Variants in MAGEC3 observed in about 807,000 individuals in gnomAD.
MAGEC3 encodes the protein MAGE family member C3, also known as melanoma-associated antigen C3.
A neutral mutation model predicts 35.3 loss-of-function variants in MAGEC3; 34 were observed. The observed-to-expected ratio is 0.96, with a 90% CI of 0.73 to 1.28. The LOEUF is 1.28. Among genes scored for constraint, MAGEC3 ranks in the 50% most tolerant of loss-of-function variants. The probability of loss-of-function intolerance (pLI) is 0.00; values close to 1 mark genes in which losing one functional copy is unlikely to be tolerated. For missense variants in MAGEC3, 561 were observed against 483.6 expected (o/e 1.16, Z -1.50); for synonymous variants, 202 against 185.6 (o/e 1.09, Z -0.72).
intron 1 of MAGEC3, among the ~76,000 whole-genome samples, chrX:141,863,065 G>A (rs994675319): frequency 8.1e-5 from 9 of 111,391 alleles, no homozygotes; most frequent in African/African-American, 2.9e-4. Context: ...CCATAAATAA[G>A]TACATATATT....
intron 4 of MAGEC3, among the ~76,000 whole-genome samples, chrX:141,887,189 TCAGCTGGCAAGGC>T (rs1342221859): frequency 8.9e-6 from 1 of 112,624 alleles, no homozygotes; most frequent in Non-Finnish European, 1.9e-5. Flanking sequence ...CAAATTGCCT[TCAGCTGGCAAGGC>T]CAGCAATATA....
At chrX:141,877,236 T>C (rs1009539788) in intron 2 of MAGEC3, among the ~76,000 whole-genome samples, 9 of 111,795 alleles carry the variant, frequency 8.1e-5, no homozygotes, top group African/African-American at 2.9e-4. Context: ...TATTTTTGTC[T>C]GTAAAAATTT....
At chrX:141,860,133 T>C (rs2017806171) in intron 1 of MAGEC3, among the ~76,000 whole-genome samples, 1 of 111,490 alleles carries the variant, frequency 9.0e-6, no homozygotes, top group African/African-American at 3.3e-5. Context: ...TAAAGGATGG[T>C]GTAGATGAGC....
Position 141,896,964 on chromosome X carries a change from C to T in MAGEC3, c.1206C>T (p.Ile402=), listed in dbSNP as rs1395869544. Reference sequence around the variant, plus strand: ...TTCCTCCCCAGGGTCCTCCCAAGATCTCTCCCCAGGGTCCTCCGCAGAGTC... The same window carrying T: ...TTCCTCCCCAGGGTCCTCCCAAGATTTCTCCCCAGGGTCCTCCGCAGAGTC... The part of the protein sequence containing the change: ...PEIPPQGPPK[I]SPQGPPQSPP... Residue 402 remains isoleucine, a synonymous_variant, in exon 7 of 8, where the codon ATC becomes ATT. Transcript: ENST00000298296. 3.3e-6 allele frequency: 4 copies of T among 1,195,477 alleles called. No individual in the cohort carries two copies. Among genetic ancestry groups the T allele is most frequent in the Non-Finnish European group, 4.5e-6 (4 of 886,980 alleles).
intron 1 of MAGEC3, among the ~76,000 whole-genome samples, chrX:141,857,088 T>C (rs757992386): frequency 5.4e-5 from 6 of 111,038 alleles, no homozygotes; most frequent in Non-Finnish European, 1.1e-4. Flanking sequence ...CTGCATGTAA[T>C]TTCAGGGGAT....
At chrX:141,879,926 A>G (rs958243865) in intron 3 of MAGEC3, among the ~76,000 whole-genome samples, 1 of 110,996 alleles carries the variant, frequency 9.0e-6, no homozygotes, top group Non-Finnish European at 1.9e-5. Context: ...TCTAGGGAAT[A>G]AATAGGAAGA....
chrX:141,857,381 G>C (rs889523420), intron 1 of MAGEC3, among the ~76,000 whole-genome samples: 1 of 110,736 alleles, frequency 9.0e-6, no homozygotes, highest in African/African-American at 3.3e-5. Flanking sequence ...GGATAACTGG[G>C]TCCCTTCAGT....
intron 3 of MAGEC3, chrX:141,881,012 T>G: frequency 2.0e-6 from 1 of 488,998 alleles, no homozygotes; most frequent in Non-Finnish European, 3.6e-6. Context: ...AGCGGCAACT[T>G]TGAGAAAGAC....
chrX:141,880,309 C>A (rs2017953434), intron 3 of MAGEC3, among the ~76,000 whole-genome samples: 2 of 110,877 alleles, frequency 1.8e-5, no homozygotes, highest in African/African-American at 6.7e-5. Context: ...GTGGAGTTTG[C>A]CCTGAGTTTT....
rs2018028504 is a variant in MAGEC3 at position 141,889,862 on chromosome X, C to T, written c.910-5407C>T. Among the ~76,000 whole-genome samples the T allele has an allele frequency of 2.7e-5, 3 of 112,683 alleles. No individual in the cohort carries two copies. In the South Asian group the frequency reaches 1.1e-3, roughly 42 times the overall value. Reference sequence around the variant, plus strand: ...AGAAGGTAGTCATCAATACCAGCTACGACCACATGACCAGTTGCAGAAACG... The same window carrying T: ...AGAAGGTAGTCATCAATACCAGCTATGACCACATGACCAGTTGCAGAAACG... On this transcript the variant is annotated intron_variant, in intron 4 of 7. Transcript: ENST00000298296.
chrX:141,851,249 C>G (rs2017749208), intron 1 of MAGEC3, among the ~76,000 whole-genome samples: 1 of 110,673 alleles, frequency 9.0e-6, no homozygotes, highest in Admixed American at 9.7e-5. Flanking sequence ...ACTGAAGCAT[C>G]TTTGTCAACA....
intron 1 of MAGEC3, among the ~76,000 whole-genome samples, chrX:141,858,260 T>C (rs1292302751): frequency 3.6e-5 from 4 of 111,217 alleles, no homozygotes; most frequent in Non-Finnish European, 3.8e-5. Flanking sequence ...ACAACTCAGA[T>C]GGATTATCTG....
intron 1 of MAGEC3, among the ~76,000 whole-genome samples, chrX:141,860,695 A>G (rs945213879): frequency 8.9e-6 from 1 of 112,457 alleles, no homozygotes; most frequent in Non-Finnish European, 1.9e-5. Context: ...TAAACCAATC[A>G]TAAAAGGACA....
At chrX:141,868,674 G>A (rs183561947) in intron 2 of MAGEC3, among the ~76,000 whole-genome samples, 34 of 109,860 alleles carry the variant, frequency 3.1e-4, no homozygotes, top group African/African-American at 1.1e-3. Flanking sequence ...TATGAGTTGG[G>A]CAAATTTTTT....
rs754375135 is a variant in MAGEC3, at chrX:141,868,091, C to T, written c.258+2486C>T. Among the ~76,000 whole-genome samples, 27 of 110,133 alleles carry T rather than the reference C, an allele frequency of 2.5e-4. No individual in the cohort carries two copies. The South Asian group carries it at 9.4e-3, about 39-fold the overall frequency. On this transcript the variant is annotated intron_variant, in intron 2 of 7. Transcript: ENST00000298296. ...TGAGCCGAGATGGCGCCAGTGCACT[C>T]CAGCCTGGGCGACAGAGCGAGACTC... is the stretch of plus-strand genomic sequence containing the variant.
In MAGEC3 at chrX:141,895,460, C is replaced by T. The variant is rs1438412460; in HGVS notation, c.1049-25C>T. ...ACTTCGCACCAAGGACAGAAGAAGC[C>T]CCGGTCTGCCCTGCGCTGCCATAGG... On this transcript the variant is annotated intron_variant, in intron 5 of 7. Coordinates refer to ENST00000298296, the MANE Select transcript of MAGEC3 (RefSeq NM_138702.1). The T allele has an allele frequency of 4.1e-6, 5 of 1,208,356 alleles. No homozygotes were observed. The East Asian group carries it at 1.5e-4, about 36-fold the overall frequency.
intron 1 of MAGEC3, among the ~76,000 whole-genome samples, chrX:141,857,220 T>C (rs1225878106): frequency 9.0e-6 from 1 of 110,877 alleles, no homozygotes; most frequent in East Asian, 2.8e-4. Context: ...GAACTTGGCA[T>C]TGATAAGGAA....
intron 6 of MAGEC3, 176 bp from the exon 7 acceptor site, chrX:141,896,706 C>G (rs1333290951): frequency 8.3e-7 from 1 of 1,209,979 alleles, no homozygotes; most frequent in Non-Finnish European, 1.1e-6. Flanking sequence ...ACTTCCAGAA[C>G]CCGAGTGTGA....
intron 1 of MAGEC3, among the ~76,000 whole-genome samples, chrX:141,852,112 T>C (rs2017754273): frequency 9.1e-6 from 1 of 109,471 alleles, no homozygotes; most frequent in Non-Finnish European, 1.9e-5. Flanking sequence ...TTTTTTTTTT[T>C]TTCAAATCAC....
Sources: gnomAD v4.1 joint callset for allele counts (sites outside exome capture counted in the v4.1 genomes callset) on GRCh38, gnomAD v4.1.1 for gene constraint, MANE v1.5 for transcripts, NCBI Gene and HGNC (gene_info 2026-07-23, HGNC 2026-07-21) for gene names.